The following LRIF1 variants were observed in gnomAD, a reference collection of about 807,000 sequenced individuals.
LRIF1 encodes ligand dependent nuclear receptor interacting factor 1, also known as ligand-dependent nuclear receptor-interacting factor 1.
LRIF1 carries 32 observed loss-of-function variants against 52.7 expected under a neutral mutation model. The ratio of observed to expected loss-of-function variants is 0.61; its 90% CI spans 0.46 to 0.82. The LOEUF is 0.82. Ranked by LOEUF, LRIF1 falls within the 40% of genes least tolerant of loss-of-function variation. The pLI is 0.00. For synonymous variants in LRIF1, 323 were observed against 317.4 expected, an observed-to-expected ratio of 1.02 and a Z score of -0.19; for missense variants, 887 against 892.0, an observed-to-expected ratio of 0.99 and a Z score of 0.07.
chr1:110,905,854 A>T, the LRIF1 span, among the ~76,000 whole-genome samples: 1 of 152,234 alleles, frequency 6.6e-6, no homozygotes, highest in Non-Finnish European at 1.5e-5. Flanking sequence ...GTACAATAAG[A>T]TATAAGTAAA....
At chr1:110,891,331 C>G in the LRIF1 span, 1 of 1,152,228 alleles carries the variant, frequency 8.7e-7, no homozygotes, top group Non-Finnish European at 1.3e-6. Context: ...CATTTGTGCA[C>G]TCTGATCTCT....
At chr1:110,902,495 TAAAAAA>T in the LRIF1 span, among the ~76,000 whole-genome samples, 7 of 72,664 alleles carry the variant, frequency 9.6e-5, no homozygotes, top group African/African-American at 4.9e-4. Flanking sequence ...AATCAATCAC[TAAAAAA>T]AAAAAAAAAA....
chr1:110,880,770 C>T, the LRIF1 span, among the ~76,000 whole-genome samples: 1 of 152,142 alleles, frequency 6.6e-6, no homozygotes, highest in African/African-American at 2.4e-5. Context: ...AAGGAGCTCA[C>T]ATTCTAGTGA....
chr1:110,956,565 T>G (rs1658708296), intron 1 of LRIF1, among the ~76,000 whole-genome samples: 1 of 152,180 alleles, frequency 6.6e-6, no homozygotes, highest in South Asian at 2.1e-4. Context: ...ATACAGGAAC[T>G]GGCATTTAGA....
At chr1:110,963,497 G>C (rs1009850247) in intron 1 of LRIF1, 124 bp downstream of exon 1, 14 of 706,446 alleles carry the variant, frequency 2.0e-5, no homozygotes, top group Non-Finnish European at 3.0e-5. Flanking sequence ...CTTCCCGCCT[G>C]GGTGGCGCAC....
the LRIF1 span, among the ~76,000 whole-genome samples, chr1:110,890,122 T>G: frequency 7.9e-5 from 12 of 152,128 alleles, no homozygotes; most frequent in African/African-American, 2.9e-4. Flanking sequence ...GCAAAGGAGA[T>G]ACTATGGATT....
the LRIF1 span, among the ~76,000 whole-genome samples, chr1:110,905,447 C>T: frequency 1.3e-5 from 2 of 151,658 alleles, no homozygotes; most frequent in East Asian, 1.9e-4. Flanking sequence ...GCAGACTTCT[C>T]GGTGGAAACC....
the LRIF1 span, among the ~76,000 whole-genome samples, chr1:110,923,232 G>A: frequency 3.3e-5 from 5 of 152,032 alleles, no homozygotes; most frequent in Non-Finnish European, 7.4e-5. Context: ...CCCGGGAGGC[G>A]GAGGTTGCAG....
At chr1:110,933,287 A>G in the LRIF1 span, among the ~76,000 whole-genome samples, 6 of 152,190 alleles carry the variant, frequency 3.9e-5, no homozygotes, top group African/African-American at 1.4e-4. Flanking sequence ...GGCAGAATAG[A>G]CGGCTCCACC....
In LRIF1 at chr1:110,952,182, A is replaced by G; in HGVS notation, c.702T>C (p.Pro234=). The change falls in exon 2 of 4, where the codon CCT becomes CCC. Residue 234 remains proline (P), a synonymous_variant. Transcript: ENST00000369763. The part of the protein sequence containing the change: ...SQMPTVIYVS[P]VNTVKNVVTK... ...TAACTACATTTTTCACTGTATTTACAGGAGATACATAAATAACGGTTGGCA... is the reference window on the plus strand; with the variant it reads ...TAACTACATTTTTCACTGTATTTACGGGAGATACATAAATAACGGTTGGCA... The G allele has an allele frequency of 6.2e-7, 1 of 1,614,232 alleles. No individual in the cohort carries two copies. The highest frequency in any genetic ancestry group is 1.1e-5 in the South Asian group (1 of 91,086).
chr1:110,952,391 C>T lies in LRIF1; in HGVS notation c.493G>A (p.Val165Ile). 1 of 1,613,762 alleles carries T rather than the reference C, an allele frequency of 6.2e-7. No homozygotes were observed. The highest frequency in any genetic ancestry group is 8.5e-7 in the Non-Finnish European group (1 of 1,179,670). Residue 165 changes from valine (V) to isoleucine (I), a missense_variant, in exon 2 of 4, where the codon GTT becomes ATT. By Grantham distance (29) the Val-to-Ile change is conservative (BLOSUM62 3). Transcript: ENST00000369763. ...GTCACTGGAAGACTCTGGGTATTAA[C>T]TACAATAAAAGATGAGTCTTTTTGT... ...STQKDSSFIV[V>I]NTQSLPVTVK...
At chr1:110,921,543 T>C in the LRIF1 span, among the ~76,000 whole-genome samples, 72,130 of 151,802 alleles carry the variant, frequency 0.48, 18,476 homozygotes, top group East Asian at 0.83. Flanking sequence ...GGCAAAATAA[T>C]AGTTTAAGGA....
Position 110,948,098 on chromosome 1 carries a change from T to C in LRIF1, c.2171A>G (p.Tyr724Cys), listed in dbSNP as rs1460585835. The C allele has an allele frequency of 8.1e-6, 13 of 1,614,024 alleles. No homozygotes were observed. The East Asian group carries it at 2.7e-4, about 33-fold the overall frequency. The change falls in exon 4 of 4, where the codon TAT (tyrosine) becomes TGT (cysteine). Residue 724 changes from tyrosine (Y) to cysteine (C), a missense_variant. Tyr to Cys is a radical substitution (Grantham distance 194). Transcript: ENST00000369763. ...YEQSHFFNKN[Y>C]TEDIFPVTPP... ...TGTCACTGGGAAAATATCTTCGGTA[T>C]AATTTTTATTGAAGAAATGACTTTG... is the stretch of plus-strand genomic sequence containing the variant.
the LRIF1 span, among the ~76,000 whole-genome samples, chr1:110,910,708 C>T: frequency 6.6e-6 from 1 of 152,172 alleles, no homozygotes; most frequent in Non-Finnish European, 1.5e-5. Context: ...TTTCTCAAAA[C>T]CACATAATTA....
At chr1:110,932,497 T>C in the LRIF1 span, among the ~76,000 whole-genome samples, 3 of 152,218 alleles carry the variant, frequency 2.0e-5, no homozygotes, top group Non-Finnish European at 2.9e-5. Flanking sequence ...AACTTTAAAG[T>C]AGTTTTTTCC....
In LRIF1 at chr1:110,949,966, G is replaced by A; in HGVS notation, c.1754C>T (p.Thr585Ile). ...GLTKDLRVCL[T>I]RIPDHLTSGE... ...AGAGGTCAAATGGTCAGGAATTCGA[G>A]TAAGGCACACTCTCAAATCCTTAGT... is the stretch of plus-strand genomic sequence containing the variant. The change falls in exon 3 of 4, where the codon ACT becomes ATT. Residue 585 changes from threonine to isoleucine, a missense_variant. Coordinates refer to ENST00000369763, the MANE Select transcript of LRIF1 (RefSeq NM_018372.4). The A allele has an allele frequency of 1.2e-6, 2 of 1,614,074 alleles. No homozygotes were observed. The highest frequency in any genetic ancestry group is 2.2e-5 in the East Asian group (1 of 44,850).
the LRIF1 span, among the ~76,000 whole-genome samples, chr1:110,907,238 T>G: frequency 6.6e-6 from 1 of 152,216 alleles, no homozygotes; most frequent in Non-Finnish European, 1.5e-5. Flanking sequence ...GATACGTAAG[T>G]AGATCCCTGA....
At chr1:110,910,929 T>C in the LRIF1 span, among the ~76,000 whole-genome samples, 1 of 152,036 alleles carries the variant, frequency 6.6e-6, no homozygotes, top group Non-Finnish European at 1.5e-5. Flanking sequence ...CAGCCTAAGA[T>C]CACACCTAGA....
intron 2 of LRIF1, among the ~76,000 whole-genome samples, chr1:110,950,443 G>T (rs1658421451): frequency 6.6e-6 from 1 of 152,078 alleles, no homozygotes; most frequent in East Asian, 1.9e-4. Context: ...AGAAATTGTA[G>T]TCTTCTGGAA....
Sources: allele counts gnomAD v4.1 joint callset (sites outside exome capture counted in the v4.1 genomes callset), GRCh38; gene constraint gnomAD v4.1.1; transcripts MANE v1.5; gene names NCBI Gene and HGNC (gene_info 2026-07-23, HGNC 2026-07-21).